MINK1: variants seen among roughly 807,000 people sequenced by gnomAD.
MINK1 encodes the protein misshapen-like kinase 1.
MINK1 carries 46 observed loss-of-function variants against 178.4 expected under a neutral mutation model. The ratio of observed to expected loss-of-function variants is 0.26; its 90% CI spans 0.20 to 0.33. The LOEUF (loss-of-function observed/expected upper bound fraction) is 0.33, where lower values mean the gene tolerates loss of function less well. MINK1 is among the 10% of genes least tolerant of loss of function. The probability of loss-of-function intolerance (pLI) is 1.00; values close to 1 mark genes in which losing one functional copy is unlikely to be tolerated. For synonymous variants in MINK1, 797 were observed against 709.7 expected (o/e 1.12, Z -1.96); for missense variants, 1,366 against 1,814.9 (o/e 0.75, Z 4.49).
In MINK1 at chr17:4,894,190, G is replaced by A. The variant is rs374459133; in HGVS notation, c.2687G>A (p.Arg896Gln). ...MVVQRTPEEE[R>Q]NLLHADSNGY... is the part of the protein sequence containing the mutation. ...GTCCTGTAGACCCCTGAAGAGGAGC[G>A]GAACCTGCTGCATGCTGACAGCAAT... Residue 896 changes from arginine (R) to glutamine (Q), a missense_variant, in exon 23 of 32, where the codon CGG becomes CAG. Physicochemically the swap from Arg to Gln is conservative, Grantham distance 43. This residue lies in a region of MINK1 where 709 missense variants were observed against 692.3 expected (regional missense o/e 1.02). Coordinates refer to ENST00000355280, the MANE Select transcript of MINK1 (RefSeq NM_153827.5). The surrounding 1 kb of genome is among the most constrained non-coding windows in gnomAD (Gnocchi z 4.1). 1.8e-5 allele frequency: 29 copies of A among 1,613,540 alleles called. No homozygotes were observed. Among genetic ancestry groups the A allele is most frequent in the South Asian group, 1.8e-4 (16 of 91,072 alleles).
chr17:4,844,291 G>A (rs978199806), intron 1 of MINK1, among the ~76,000 whole-genome samples: 9 of 152,242 alleles, frequency 5.9e-5, no homozygotes, highest in East Asian at 1.9e-4. Context: ...GTGAGCCACC[G>A]TGCCCGGCCT....
chr17:4,853,691 T>C (rs897355645), intron 1 of MINK1, among the ~76,000 whole-genome samples: 5 of 151,938 alleles, frequency 3.3e-5, no homozygotes, highest in Non-Finnish European at 7.4e-5. Flanking sequence ...GGCAGTTGGG[T>C]GGTGGTAGGA....
intron 1 of MINK1, among the ~76,000 whole-genome samples, chr17:4,863,056 A>C (rs1043297481): frequency 4.6e-5 from 7 of 152,202 alleles, no homozygotes; most frequent in Non-Finnish European, 8.8e-5. Flanking sequence ...ACCAAAAAAA[A>C]TCCTTCTCAC....
chr17:4,865,388 C>G (rs1009967206), intron 1 of MINK1, among the ~76,000 whole-genome samples: 7 of 151,874 alleles, frequency 4.6e-5, no homozygotes, highest in African/African-American at 1.7e-4. Flanking sequence ...GAGCCGAGAT[C>G]GCGCCATTGC....
intron 17 of MINK1, 25 bp from the exon 18 acceptor site, chr17:4,892,377 C>T (rs958242413): frequency 8.3e-5 from 126 of 1,518,442 alleles, no homozygotes; most frequent in Middle Eastern, 1.8e-4. Context: ...GCCGCCCCCT[C>T]GGCACCCCTG....
intron 1 of MINK1, among the ~76,000 whole-genome samples, chr17:4,850,519 G>GCCCCCCCCC (rs34173368): frequency 3.5e-5 from 5 of 144,892 alleles, no homozygotes; most frequent in Non-Finnish European, 7.5e-5. Context: ...CTTCCTGCTG[G>GCCCCCCCCC]CCCCCCCCGC....
chr17:4,866,275 G>A (rs1914947616), intron 1 of MINK1, among the ~76,000 whole-genome samples: 1 of 151,952 alleles, frequency 6.6e-6, no homozygotes, highest in African/African-American at 2.4e-5. Flanking sequence ...AGACCATCCT[G>A]GCCAACATGG....
Position 4,833,570 on chromosome 17 carries a change from T to A in MINK1, c.-14T>A. On this transcript the variant is annotated 5_prime_UTR_variant, in exon 1 of 32. Coordinates refer to ENST00000355280, the MANE Select transcript of MINK1 (RefSeq NM_153827.5). The surrounding 1 kb of genome is among the most constrained non-coding windows in gnomAD (Gnocchi z 4.8). ...AGCGTGAGCGGCCCCGGTGCCCCGT[T>A]CCCCACGGAGGCCATGGGCGACCCA... 1 of 1,495,566 alleles carries A rather than the reference T, an allele frequency of 6.7e-7. No homozygotes were observed. The highest frequency in any genetic ancestry group is 8.9e-7 in the Non-Finnish European group (1 of 1,128,134). The allele number at this position is 1,495,566 out of a possible 1,614,324, so 92.6% of individuals were successfully genotyped here.
At chr17:4,851,274 G>A (rs1330641281) in intron 1 of MINK1, among the ~76,000 whole-genome samples, 2 of 152,160 alleles carry the variant, frequency 1.3e-5, no homozygotes, top group Non-Finnish European at 1.5e-5. Flanking sequence ...ATGGGCCTGG[G>A]TAGATAAGGA....
chr17:4,881,158 G>A lies in MINK1; in HGVS notation c.207G>A (p.Glu69=). 1 of 1,537,162 alleles carries A rather than the reference G, an allele frequency of 6.5e-7. No individual in the cohort carries two copies. ...TEDEEEEIKQ[E]INMLKKYSHH... ...ACGAGGAGGAAGAGATCAAACAGGA[G>A]ATCAACATGCTGAAAAAGTACTCTC... Residue 69 remains glutamate, a synonymous_variant, in exon 4 of 32, where the codon GAG becomes GAA. Coordinates refer to ENST00000355280, the MANE Select transcript of MINK1 (RefSeq NM_153827.5).
Position 4,890,854 on chromosome 17 carries a change from C to T in MINK1, c.1567-97C>T. Reference sequence around the variant, plus strand: ...AAGTAGGGGAAAGGAGCACACAGCACAGAGCATAGGGCGGGAGTAGTTAGG... The same window carrying T: ...AAGTAGGGGAAAGGAGCACACAGCATAGAGCATAGGGCGGGAGTAGTTAGG... On this transcript the variant is annotated intron_variant, in intron 14 of 31. Coordinates refer to ENST00000355280, the MANE Select transcript of MINK1 (RefSeq NM_153827.5). 3.3e-6 allele frequency: 5 copies of T among 1,524,660 alleles called. No homozygotes were observed. In the South Asian group the frequency reaches 6.1e-5, roughly 19 times the overall value. 94.4% of individuals were successfully genotyped at this position (1,524,660 alleles called of 1,614,324 possible). A position where few individuals can be genotyped will look rare whatever the true frequency, so the allele number is the denominator to read the frequency against.
At chr17:4,866,238 C>T (rs1427768226) in intron 1 of MINK1, among the ~76,000 whole-genome samples, 4 of 152,102 alleles carry the variant, frequency 2.6e-5, no homozygotes, top group Non-Finnish European at 5.9e-5. Context: ...GAGGCCAAGA[C>T]AGATGGATCA....
At chr17:4,853,615 T>G (rs1347743486) in intron 1 of MINK1, among the ~76,000 whole-genome samples, 1 of 152,020 alleles carries the variant, frequency 6.6e-6, no homozygotes, top group East Asian at 1.9e-4. Flanking sequence ...CCTGCCAAGC[T>G]TCCCTGCAGG....
At chr17:4,837,902 G>C (rs1403562695) in intron 1 of MINK1, among the ~76,000 whole-genome samples, 2 of 152,192 alleles carry the variant, frequency 1.3e-5, no homozygotes, top group African/African-American at 2.4e-5. Context: ...TTGTGTTGTT[G>C]TGTCTGTTCT....
chr17:4,890,384 A>AG, intron 13 of MINK1, 133 bp from the exon 14 acceptor site: 1 of 1,452,970 alleles, frequency 6.9e-7, no homozygotes, highest in African/African-American at 1.4e-5. Context: ...GAACACTTCA[A>AG]GGGAAGGGAT....
rs1968354745 is a variant in MINK1, at chr17:4,887,750, G to A, written c.1190G>A (p.Arg397His). The change falls in exon 12 of 32, where the codon CGC becomes CAC. Residue 397 changes from arginine (R) to histidine (H), a missense_variant. Arg to His is a conservative substitution (Grantham distance 29). Around this residue, in one of 14 missense-constraint regions of MINK1, gnomAD observed 18 missense variants for 40.7 expected, o/e 0.44. Transcript: ENST00000355280. The surrounding 1 kb of genome is among the most constrained non-coding windows in gnomAD (Gnocchi z 7.6). ...CACCTGCTGCACCAGCGGCAGCGGC[G>A]CATAGAGGAGCAGAAGGAGGAGCGG... ...IKHLLHQRQR[R>H]IEEQKEERRR... The A allele has an allele frequency of 4.5e-6, 7 of 1,543,582 alleles. No individual in the cohort carries two copies. The highest frequency in any genetic ancestry group is 2.0e-5 in the Admixed American group (1 of 48,816).
At chr17:4,855,359 G>T (rs1208814417) in intron 1 of MINK1, among the ~76,000 whole-genome samples, 1 of 151,422 alleles carries the variant, frequency 6.6e-6, no homozygotes, top group African/African-American at 2.4e-5. Context: ...GGTGGCGGGC[G>T]CCTGTAGTCC....
rs781727077 is a variant in MINK1, at chr17:4,895,108, A to C, written c.2951A>C (p.Gln984Pro). 2 of 1,613,600 alleles carry C rather than the reference A, an allele frequency of 1.2e-6. No homozygotes were observed. Among genetic ancestry groups the C allele is most frequent in the Non-Finnish European group, 1.7e-6 (2 of 1,180,010 alleles). ...LVGGEGTRLD[Q>P]LQYDVRKGSV... is the part of the protein sequence containing the mutation. ...GGTGGAGAGGGCACTCGGCTCGACC[A>C]GCTGCAGTACGACGTGAGGAAGGGT... The change falls in exon 25 of 32, where the codon CAG becomes CCG. Residue 984 changes from glutamine (Q) to proline (P), a missense_variant. This residue lies in a region of MINK1 where 709 missense variants were observed against 692.3 expected (regional missense o/e 1.02). Coordinates refer to ENST00000355280, the MANE Select transcript of MINK1 (RefSeq NM_153827.5). This position sits in a 1 kb window ranked among gnomAD's most constrained non-coding sequence, Gnocchi z 4.3.
intron 1 of MINK1, among the ~76,000 whole-genome samples, chr17:4,845,930 C>T (rs1008750357): frequency 6.6e-6 from 1 of 152,258 alleles, no homozygotes; most frequent in Non-Finnish European, 1.5e-5. Flanking sequence ...GCGTGAGCCA[C>T]CGCATGTGGC....
Sources: gnomAD v4.1 joint callset for allele counts (sites outside exome capture counted in the v4.1 genomes callset) on GRCh38, gnomAD v4.1.1 for gene constraint, gnomAD v4.1.1 regional missense constraint, Gnocchi (gnomAD v3.1) non-coding constraint, MANE v1.5 for transcripts, NCBI Gene and HGNC (gene_info 2026-07-23, HGNC 2026-07-21) for gene names.